Variants in ABHD12 observed in about 807,000 individuals in gnomAD.
ABHD12 encodes the protein lysophosphatidylserine lipase ABHD12.
ABHD12 carries 43 observed loss-of-function variants against 58.3 expected under a neutral mutation model. The ratio of observed to expected loss-of-function variants is 0.74; its 90% CI spans 0.58 to 0.95. The LOEUF (loss-of-function observed/expected upper bound fraction) is 0.95, where lower values mean the gene tolerates loss of function less well. Ranked by LOEUF, ABHD12 falls within the 40% of genes least tolerant of loss-of-function variation. The pLI is 0.00. For missense variants in ABHD12, 539 were observed against 537.2 expected (o/e 1.00, Z -0.03); for synonymous variants, 219 against 211.2 (o/e 1.04, Z -0.32).
intron 6 of ABHD12, among the ~76,000 whole-genome samples, 194 bp from the exon 7 acceptor site, chr20:25,309,769 C>T (rs369639567): frequency 6.6e-6 from 1 of 152,366 alleles, no homozygotes; most frequent in South Asian, 2.1e-4. Context: ...AACCCCACAT[C>T]CCCACCAGCC....
intron 3 of ABHD12, among the ~76,000 whole-genome samples, chr20:25,321,355 C>A (rs191896726): frequency 6.6e-6 from 1 of 152,264 alleles, no homozygotes; most frequent in Non-Finnish European, 1.5e-5. Flanking sequence ...GATGGCCAGG[C>A]ATGGCCAGGA....
chr20:25,321,265 C>G (rs2145973296), intron 3 of ABHD12, among the ~76,000 whole-genome samples: 1 of 152,350 alleles, frequency 6.6e-6, no homozygotes, highest in African/African-American at 2.4e-5. Flanking sequence ...CGCCCCAAAC[C>G]TGGGCTCCTG....
At chr20:25,306,967 C>T in intron 9 of ABHD12, 52 bp from the exon 10 acceptor site, 1 of 1,356,242 alleles carries the variant, frequency 7.4e-7, no homozygotes, top group Non-Finnish European at 1.0e-6. Context: ...GATATCCAGG[C>T]ACAGGTCAAG....
intron 1 of ABHD12, among the ~76,000 whole-genome samples, chr20:25,358,152 T>A (rs2146079866): frequency 6.6e-6 from 1 of 152,310 alleles, no homozygotes; most frequent in Non-Finnish European, 1.5e-5. Flanking sequence ...TAAATATTCA[T>A]ACTCTTTGAC....
At chr20:25,325,317 C>T (rs2089156054) in intron 2 of ABHD12, among the ~76,000 whole-genome samples, 1 of 152,118 alleles carries the variant, frequency 6.6e-6, no homozygotes, top group Non-Finnish European at 1.5e-5. Flanking sequence ...TGAGCCTGGC[C>T]CCTGAGAGGC....
chr20:25,305,903 C>T (rs1358053082), intron 10 of ABHD12, among the ~76,000 whole-genome samples: 5 of 152,150 alleles, frequency 3.3e-5, no homozygotes, highest in South Asian at 2.1e-4. Context: ...CAGTGGCTCA[C>T]GCCTGTAATC....
chr20:25,390,805 C>G lies in ABHD12; in HGVS notation c.-102G>C. ...CCCAGAGCCCGGAGCCCGGAACCCGCCGCTCCTCACATCCCAGCCCAGGCC... is the reference window on the plus strand; with the variant it reads ...CCCAGAGCCCGGAGCCCGGAACCCGGCGCTCCTCACATCCCAGCCCAGGCC... On this transcript the variant is annotated 5_prime_UTR_variant, in exon 1 of 13. Coordinates refer to ENST00000339157, the MANE Select transcript of ABHD12 (RefSeq NM_001042472.3). 2 of 762,080 alleles carry G rather than the reference C, an allele frequency of 2.6e-6. No homozygotes were observed. The highest frequency in any genetic ancestry group is 3.5e-6 in the Non-Finnish European group (2 of 575,460). 47.2% of individuals were successfully genotyped at this position (762,080 alleles called of 1,614,324 possible). A position where few individuals can be genotyped will look rare whatever the true frequency, so the allele number is the denominator to read the frequency against.
intron 2 of ABHD12, among the ~76,000 whole-genome samples, chr20:25,323,964 G>C (rs2089129280): frequency 6.6e-6 from 1 of 152,208 alleles, no homozygotes; most frequent in Non-Finnish European, 1.5e-5. Context: ...AAAGTTTCCA[G>C]GACTGCTGCC....
chr20:25,344,698 G>T (rs73345089), intron 1 of ABHD12, among the ~76,000 whole-genome samples: 1,959 of 152,262 alleles, frequency 0.013, 49 homozygotes, highest in African/African-American at 0.045. Flanking sequence ...AAAGACTCAG[G>T]ATAGACAGCA....
chr20:25,333,415 C>A (rs1169520617), intron 2 of ABHD12, among the ~76,000 whole-genome samples: 2 of 124,020 alleles, frequency 1.6e-5, no homozygotes, highest in Non-Finnish European at 3.8e-5. Context: ...TGAAACTATT[C>A]CAATCAACAG....
chr20:25,377,241 G>T (rs980054776), intron 1 of ABHD12, among the ~76,000 whole-genome samples: 1 of 152,190 alleles, frequency 6.6e-6, no homozygotes, highest in Non-Finnish European at 1.5e-5. Flanking sequence ...GCCTTGTCAA[G>T]GTGTCCTGTG....
chr20:25,368,742 G>A lies in ABHD12; in HGVS notation c.191+21771C>T, dbSNP rs531939391. 9.1e-6 allele frequency: 10 copies of A among 1,096,462 alleles called. No homozygotes were observed. In the Admixed American group the frequency reaches 1.2e-4, roughly 13 times the overall value. The allele number at this position is 1,096,462 out of a possible 1,614,324, so 67.9% of individuals were successfully genotyped here. A position where few individuals can be genotyped will look rare whatever the true frequency, so the allele number is the denominator to read the frequency against. On this transcript the variant is annotated intron_variant, in intron 1 of 12. Coordinates refer to ENST00000339157, the MANE Select transcript of ABHD12 (RefSeq NM_001042472.3). The stretch of plus-strand genomic sequence containing the variant: ...CCAAGGGCTTGCCTTCGTCAGCAAT[G>A]TTGAAGAACAGTGGGGTTGACCATG...
intron 1 of ABHD12, among the ~76,000 whole-genome samples, chr20:25,383,156 A>G (rs1269383697): frequency 6.6e-6 from 1 of 152,232 alleles, no homozygotes; most frequent in Admixed American, 6.5e-5. Context: ...TGAGGTTGAT[A>G]CTGAACCTCG....
At chr20:25,301,529 C>T (rs12481725) in intron 12 of ABHD12, among the ~76,000 whole-genome samples, 2,042 of 152,360 alleles carry the variant, frequency 0.013, 23 homozygotes, top group Middle Eastern at 0.031. Context: ...GAAGCCTTGT[C>T]CCATGCACAG....
At position 25,349,323 on chromosome 20, in the gene ABHD12, G is replaced by A. The variant is rs77743253; in HGVS notation, c.192-9972C>T. 6.0e-4 allele frequency among the ~76,000 whole-genome samples: 91 copies of A among 152,290 alleles called. 2 individuals are homozygous for A. In the South Asian group the frequency reaches 0.019, roughly 31 times the overall value. Reference sequence around the variant, plus strand: ...AATAGTCCAGCTGCTATGGAAAACAGTTTGGCCATTCCTCAAAAAGTTAAG... The same window carrying A: ...AATAGTCCAGCTGCTATGGAAAACAATTTGGCCATTCCTCAAAAAGTTAAG... On this transcript the variant is annotated intron_variant, in intron 1 of 12. Coordinates refer to ENST00000339157, the MANE Select transcript of ABHD12 (RefSeq NM_001042472.3).
chr20:25,355,549 AC>A lies in ABHD12; in HGVS notation c.192-16199del, dbSNP rs1249595247. Among the ~76,000 whole-genome samples the A allele has an allele frequency of 2.6e-5, 4 of 151,248 alleles. No homozygotes were observed. The South Asian group carries it at 6.3e-4, about 24-fold the overall frequency. ...CCATACTGCATTTGACAAAGTATAAACGGTTTTTTTTTTGTTGTTTGTTTGT... is the reference window on the plus strand; with the variant it reads ...CCATACTGCATTTGACAAAGTATAAAGGTTTTTTTTTTGTTGTTTGTTTGT... On this transcript the variant is annotated intron_variant, in intron 1 of 12. Transcript: ENST00000339157.
rs535833224 is a variant in ABHD12, at chr20:25,351,495, G to A, written c.192-12144C>T. ...AGTCACTTTGCTTGACAGTCACTTG[G>A]CTGTGTACTGCAGCCTCCTATAACA... On this transcript the variant is annotated intron_variant, in intron 1 of 12. Transcript: ENST00000339157. Among the ~76,000 whole-genome samples the A allele has an allele frequency of 2.0e-5, 3 of 152,320 alleles. No individual in the cohort carries two copies. The East Asian group carries it at 5.8e-4, about 29-fold the overall frequency.
Position 25,390,712 on chromosome 20 carries a change from C to A in ABHD12, c.-9G>T. On this transcript the variant is annotated 5_prime_UTR_variant, in exon 1 of 13. Transcript: ENST00000339157. ...TCGGTCCGCTTCCTCATCCCGCGGCCGACAGGGCCAGCCGCCGACGGCGCC... is the reference window on the plus strand; with the variant it reads ...TCGGTCCGCTTCCTCATCCCGCGGCAGACAGGGCCAGCCGCCGACGGCGCC... The A allele has an allele frequency of 7.3e-7, 1 of 1,365,888 alleles. No homozygotes were observed. Among genetic ancestry groups the A allele is most frequent in the Non-Finnish European group, 9.5e-7 (1 of 1,057,900 alleles). 84.6% of individuals were successfully genotyped at this position (1,365,888 alleles called of 1,614,324 possible).
At chr20:25,305,387 G>A (rs985146640) in intron 10 of ABHD12, among the ~76,000 whole-genome samples, 1 of 146,782 alleles carries the variant, frequency 6.8e-6, no homozygotes, top group African/African-American at 2.5e-5. Context: ...TTTTGAGACG[G>A]AGTCTCGCTC....
Sources: allele counts gnomAD v4.1 joint callset (sites outside exome capture counted in the v4.1 genomes callset), GRCh38; gene constraint gnomAD v4.1.1; transcripts MANE v1.5; gene names NCBI Gene and HGNC (gene_info 2026-07-23, HGNC 2026-07-21).